SDK1: variants seen among roughly 807,000 people sequenced by gnomAD.
SDK1 encodes the protein protein sidekick-1.
Under a neutral mutation model 245.5 loss-of-function variants are expected in SDK1, and 157 were observed. The observed-to-expected ratio is 0.64, with a 90% CI of 0.56 to 0.73. SDK1 has a LOEUF of 0.73. Among genes scored for constraint, SDK1 ranks in the 30% least tolerant of loss-of-function variants. SDK1 has a pLI of 0.00. For synonymous variants in SDK1, 1,647 were observed against 1,278.5 expected (o/e 1.29, Z -6.15); for missense variants, 3,583 against 3,002.3 (o/e 1.19, Z -4.52).
At chr7:3,370,627 G>A (rs1781204142) in intron 1 of SDK1, among the ~76,000 whole-genome samples, 1 of 152,180 alleles carries the variant, frequency 6.6e-6, no homozygotes, top group Non-Finnish European at 1.5e-5. Flanking sequence ...GTGCTATAAA[G>A]CAAATTGCCA....
chr7:3,837,809 C>T (rs117375686), intron 5 of SDK1, among the ~76,000 whole-genome samples: 4,020 of 152,236 alleles, frequency 0.026, 73 homozygotes, highest in Middle Eastern at 0.048. Context: ...CCTCATGTGG[C>T]TGGATGCTAC....
intron 17 of SDK1, among the ~76,000 whole-genome samples, chr7:4,019,799 G>A (rs553346914): frequency 3.9e-4 from 59 of 152,176 alleles, no homozygotes; most frequent in East Asian, 9.7e-4. Flanking sequence ...TCCTGTCTTC[G>A]TGTCTTCTTC....
chr7:4,085,063 C>G (rs1031339392), intron 22 of SDK1, among the ~76,000 whole-genome samples: 6 of 152,108 alleles, frequency 3.9e-5, no homozygotes, highest in African/African-American at 1.4e-4. Flanking sequence ...CTGCGCCCAG[C>G]CTAAATGTAT....
At chr7:3,317,583 T>C (rs1020509048) in intron 1 of SDK1, among the ~76,000 whole-genome samples, 1 of 151,978 alleles carries the variant, frequency 6.6e-6, no homozygotes, top group Non-Finnish European at 1.5e-5. Flanking sequence ...TCTCCATTCA[T>C]TGACTATCTT....
At chr7:3,560,744 T>TGTCTGTATCCTC (rs1779724839) in intron 1 of SDK1, among the ~76,000 whole-genome samples, 1 of 152,112 alleles carries the variant, frequency 6.6e-6, no homozygotes, top group African/African-American at 2.4e-5. Flanking sequence ...GGCAGAGCCC[T>TGTCTGTATCCTC]CTCTGTATCC....
chr7:3,416,569 G>A (rs1779372139), intron 1 of SDK1, among the ~76,000 whole-genome samples: 2 of 151,844 alleles, frequency 1.3e-5, no homozygotes, highest in South Asian at 4.2e-4. Flanking sequence ...AGGAGATTAG[G>A]GAGGTGTTCC....
At chr7:3,850,834 A>G (rs1030159989) in intron 5 of SDK1, among the ~76,000 whole-genome samples, 8 of 148,960 alleles carry the variant, frequency 5.4e-5, no homozygotes, top group African/African-American at 1.7e-4. Flanking sequence ...CAGGAAGGGG[A>G]ACATCACACA....
intron 14 of SDK1, among the ~76,000 whole-genome samples, chr7:4,005,945 G>A (rs1226078913): frequency 1.4e-5 from 2 of 145,218 alleles, no homozygotes; most frequent in African/African-American, 2.7e-5. Flanking sequence ...ATTGTGGGAG[G>A]TAGGGGTGGA....
At chr7:3,587,759 A>G (rs12700996) in intron 1 of SDK1, among the ~76,000 whole-genome samples, 2,681 of 152,332 alleles carry the variant, frequency 0.018, 47 homozygotes, top group Non-Finnish European at 0.022. Flanking sequence ...CAAGTTGACA[A>G]AAGTACACTG....
chr7:4,054,387 T>C (rs1046763516), intron 19 of SDK1, among the ~76,000 whole-genome samples: 1 of 152,256 alleles, frequency 6.6e-6, no homozygotes, highest in Non-Finnish European at 1.5e-5. Context: ...ATATTGACAC[T>C]GATGATACAA....
intron 10 of SDK1, among the ~76,000 whole-genome samples, chr7:3,968,202 G>C (rs140797629): frequency 1.3e-5 from 2 of 152,146 alleles, no homozygotes; most frequent in African/African-American, 4.8e-5. Flanking sequence ...ACATCGTTCC[G>C]TGCCTTCTGC....
intron 5 of SDK1, among the ~76,000 whole-genome samples, chr7:3,851,842 G>A (rs2115103218): frequency 6.6e-6 from 1 of 152,258 alleles, no homozygotes; most frequent in South Asian, 2.1e-4. Context: ...AAGATTTAAA[G>A]TGTTATTATT....
intron 1 of SDK1, among the ~76,000 whole-genome samples, chr7:3,412,227 T>C (rs909987298): frequency 1.3e-5 from 2 of 152,106 alleles, no homozygotes; most frequent in African/African-American, 4.8e-5. Flanking sequence ...AAGCCCCTTT[T>C]CCTGCCCCAT....
rs536682737 is a variant in SDK1 at position 4,235,841 on chromosome 7, G to A, written c.5993-1806G>A. On this transcript the variant is annotated intron_variant, in intron 41 of 44. Coordinates refer to ENST00000404826, the MANE Select transcript of SDK1 (RefSeq NM_152744.4). The stretch of plus-strand genomic sequence containing the variant: ...ACCATCACCTGCTGGCGTCAGGACC[G>A]GGCCAGGCCCGCAGCCAGGGTGTCC... Among the ~76,000 whole-genome samples the A allele has an allele frequency of 2.2e-4, 34 of 152,308 alleles. No individual in the cohort carries two copies. In the East Asian group the frequency reaches 5.2e-3, roughly 23 times the overall value.
At chr7:3,747,434 A>G (rs1445308981) in intron 4 of SDK1, among the ~76,000 whole-genome samples, 1 of 152,226 alleles carries the variant, frequency 6.6e-6, no homozygotes, top group Non-Finnish European at 1.5e-5. Context: ...TAAATTTTAA[A>G]GAATTCTGAG....
chr7:3,645,638 C>G (rs936770476), intron 4 of SDK1, among the ~76,000 whole-genome samples: 2 of 151,950 alleles, frequency 1.3e-5, no homozygotes, highest in South Asian at 2.1e-4. Context: ...AATCTAGATG[C>G]GAAAACCCAA....
At chr7:4,205,630 T>G (rs1021768338) in intron 35 of SDK1, among the ~76,000 whole-genome samples, 1 of 152,230 alleles carries the variant, frequency 6.6e-6, no homozygotes, top group Non-Finnish European at 1.5e-5. Context: ...TTTAAGAACA[T>G]CGTATGGGAA....
At chr7:4,116,780 G>T (rs1356109371) in intron 25 of SDK1, among the ~76,000 whole-genome samples, 1 of 152,214 alleles carries the variant, frequency 6.6e-6, no homozygotes, top group Non-Finnish European at 1.5e-5. Context: ...TTAGGGCGTG[G>T]CGTGAACCCT....
At chr7:3,316,730 A>G (rs12234397) in intron 1 of SDK1, among the ~76,000 whole-genome samples, 21,585 of 152,048 alleles carry the variant, frequency 0.14, 2,289 homozygotes, top group East Asian at 0.37. Context: ...AGCTCTACAA[A>G]TCACTGCAGC....
Sources: allele counts gnomAD v4.1 joint callset (sites outside exome capture counted in the v4.1 genomes callset), GRCh38; gene constraint gnomAD v4.1.1; transcripts MANE v1.5; gene names NCBI Gene and HGNC (gene_info 2026-07-23, HGNC 2026-07-21).